COLGALT2: variants seen among roughly 807,000 people sequenced by gnomAD.
COLGALT2 encodes collagen beta(1-O)galactosyltransferase 2, also known as procollagen galactosyltransferase 2.
In COLGALT2, 49 loss-of-function variants were observed where a neutral mutation model predicts 73.4. That is an observed-to-expected ratio of 0.67 (90% confidence interval 0.53 to 0.85). The LOEUF is 0.85. Ranked by LOEUF, COLGALT2 falls within the 40% of genes least tolerant of loss-of-function variation. The pLI is 0.00. For missense variants in COLGALT2, 722 were observed against 790.2 expected, an observed-to-expected ratio of 0.91 and a Z score of 1.03; for synonymous variants, 295 against 307.6, an observed-to-expected ratio of 0.96 and a Z score of 0.43.
rs183697220 is a variant in COLGALT2, at chr1:183,953,658, G to T, written c.1029+1104C>A. Among the ~76,000 whole-genome samples the T allele has an allele frequency of 2.0e-5, 3 of 152,200 alleles. No homozygotes were observed. The East Asian group carries it at 5.8e-4, about 29-fold the overall frequency. On this transcript the variant is annotated intron_variant, in intron 7 of 11. Coordinates refer to ENST00000361927, the MANE Select transcript of COLGALT2 (RefSeq NM_015101.4). The stretch of plus-strand genomic sequence containing the variant: ...CCCTGATCATTTTTAAAAACTATTT[G>T]CAAATGAGTCTTATTCCTCTCTACT...
At chr1:184,007,693 C>A (rs1334833978) in intron 1 of COLGALT2, among the ~76,000 whole-genome samples, 1 of 152,110 alleles carries the variant, frequency 6.6e-6, no homozygotes, top group Non-Finnish European at 1.5e-5. Context: ...GAACCAAGAC[C>A]ACAGTTCCAT....
chr1:184,020,363 A>G (rs931679701), intron 1 of COLGALT2, among the ~76,000 whole-genome samples: 1 of 152,244 alleles, frequency 6.6e-6, no homozygotes, highest in African/African-American at 2.4e-5. Flanking sequence ...ATGAAAAAAT[A>G]CTATATACTG....
rs147454585 is a variant in COLGALT2 at position 183,958,386 on chromosome 1, C to T, written c.953-3548G>A. On this transcript the variant is annotated intron_variant, in intron 6 of 11. Coordinates refer to ENST00000361927, the MANE Select transcript of COLGALT2 (RefSeq NM_015101.4). ...AGAGGACTACTGGGAGAAACATACACAATTGTGTTGACTGAGTCACTTCAA... is the reference window on the plus strand; with the variant it reads ...AGAGGACTACTGGGAGAAACATACATAATTGTGTTGACTGAGTCACTTCAA... Among the ~76,000 whole-genome samples, 24 of 152,272 alleles carry T rather than the reference C, an allele frequency of 1.6e-4. 1 individual carries two copies. In the East Asian group the frequency reaches 4.4e-3, roughly 28 times the overall value.
chr1:183,945,664 C>A (rs1558309946), intron 8 of COLGALT2, 100 bp from the exon 9 acceptor site: 1 of 1,386,892 alleles, frequency 7.2e-7, no homozygotes, highest in Non-Finnish European at 9.9e-7. Context: ...CCCTCCCCCA[C>A]ACAGACAAAG....
Position 183,937,584 on chromosome 1 carries a change from A to C in COLGALT2, c.*1177T>G, listed in dbSNP as rs1669989811. The stretch of plus-strand genomic sequence containing the variant: ...TGAGATAGAGAATCATTTGTTTCCA[A>C]ATAGTTCAAATCCCCCCATCCACAG... On this transcript the variant is annotated 3_prime_UTR_variant, in exon 12 of 12. Coordinates refer to ENST00000361927, the MANE Select transcript of COLGALT2 (RefSeq NM_015101.4). 1.0e-6 allele frequency: 1 copy of C among 985,186 alleles called. No individual in the cohort carries two copies. Among genetic ancestry groups the C allele is most frequent in the Admixed American group, 6.1e-5 (1 of 16,266 alleles). The allele number at this position is 985,186 out of a possible 1,614,324, so 61.0% of individuals were successfully genotyped here. A position where few individuals can be genotyped will look rare whatever the true frequency, so the allele number is the denominator to read the frequency against.
intron 1 of COLGALT2, among the ~76,000 whole-genome samples, chr1:184,000,223 T>C (rs1166829965): frequency 6.6e-6 from 1 of 152,198 alleles, no homozygotes; most frequent in African/African-American, 2.4e-5. Flanking sequence ...TTTTGGCCTC[T>C]ATGTGTCTAT....
Position 183,938,587 on chromosome 1 carries a change from T to G in COLGALT2, c.*174A>C. 7.0e-7 allele frequency: 1 copy of G among 1,425,056 alleles called. No individual in the cohort carries two copies. The highest frequency in any genetic ancestry group is 2.5e-5 in the East Asian group (1 of 39,718). 88.3% of individuals were successfully genotyped at this position (1,425,056 alleles called of 1,614,324 possible). ...GAAATTTGGGTTGAATTTCCTTATT[T>G]CCTTCCATGGTCAAAAATATGTTAA... is the stretch of plus-strand genomic sequence containing the variant. On this transcript the variant is annotated 3_prime_UTR_variant, in exon 12 of 12. Coordinates refer to ENST00000361927, the MANE Select transcript of COLGALT2 (RefSeq NM_015101.4).
Position 184,037,633 on chromosome 1 carries a change from A to T in COLGALT2, c.-276T>A. ...TCGGGCTCGCAGACAGTAGTGGCCG[A>T]GGGGCTGTGTGCCCTGAGTCCTGAG... On this transcript the variant is annotated 5_prime_UTR_variant, in exon 1 of 12. Transcript: ENST00000361927. 1 of 1,052,586 alleles carries T rather than the reference A, an allele frequency of 9.5e-7. No individual in the cohort carries two copies. The highest frequency in any genetic ancestry group is 1.1e-6 in the Non-Finnish European group (1 of 874,446). 65.2% of individuals were successfully genotyped at this position (1,052,586 alleles called of 1,614,324 possible).
intron 1 of COLGALT2, 31 bp from the exon 2 acceptor site, chr1:183,978,551 C>G: frequency 7.6e-7 from 1 of 1,315,872 alleles, no homozygotes; most frequent in Non-Finnish European, 1.1e-6. Context: ...TATAGTTTAA[C>G]TATGTCATCC....
intron 5 of COLGALT2, among the ~76,000 whole-genome samples, chr1:183,966,728 A>G (rs1218570474): frequency 1.3e-5 from 2 of 152,154 alleles, no homozygotes; most frequent in Non-Finnish European, 2.9e-5. Flanking sequence ...ATGATACAGA[A>G]CCCAGATCAC....
chr1:183,940,272 T>C (rs752935439), intron 11 of COLGALT2, among the ~76,000 whole-genome samples: 7 of 152,142 alleles, frequency 4.6e-5, no homozygotes, highest in Non-Finnish European at 8.8e-5. Context: ...GGCCTTCACC[T>C]TGAGGTGTAT....
intron 1 of COLGALT2, among the ~76,000 whole-genome samples, chr1:184,034,623 C>T (rs1219289973): frequency 1.3e-5 from 2 of 152,180 alleles, no homozygotes; most frequent in African/African-American, 2.4e-5. Flanking sequence ...TATGCTTGTA[C>T]AGCCTCTCTG....
intron 1 of COLGALT2, among the ~76,000 whole-genome samples, chr1:184,011,536 A>G (rs186778208): frequency 7.6e-4 from 116 of 151,784 alleles, no homozygotes; most frequent in African/African-American, 2.7e-3. Flanking sequence ...CATCCTCACT[A>G]CTCTGATTTA....
At chr1:183,953,170 G>A (rs556135307) in intron 7 of COLGALT2, among the ~76,000 whole-genome samples, 136 of 152,294 alleles carry the variant, frequency 8.9e-4, no homozygotes, top group Admixed American at 2.0e-3. Context: ...CACACTTAGT[G>A]AACAGTAAAC....
At chr1:183,945,739 AGGTCTG>A (rs1287225528) in intron 8 of COLGALT2, 175 bp from the exon 9 acceptor site, 7 of 669,014 alleles carry the variant, frequency 1.0e-5, no homozygotes, top group Non-Finnish European at 1.5e-5. Context: ...TAGTATTATG[AGGTCTG>A]GGAAGACAAG....
chr1:183,954,175 T>G (rs1385357695), intron 7 of COLGALT2, among the ~76,000 whole-genome samples: 2 of 152,246 alleles, frequency 1.3e-5, no homozygotes, highest in African/African-American at 4.8e-5. Flanking sequence ...ATATTTCTGC[T>G]TCATTCTTTA....
chr1:183,970,581 G>A (rs1388502675), intron 4 of COLGALT2, among the ~76,000 whole-genome samples: 1 of 152,166 alleles, frequency 6.6e-6, no homozygotes, highest in Non-Finnish European at 1.5e-5. Flanking sequence ...CCATGATAAG[G>A]GAGGAGGATC....
chr1:183,966,808 T>C (rs1670888276), intron 5 of COLGALT2, among the ~76,000 whole-genome samples: 1 of 152,308 alleles, frequency 6.6e-6, no homozygotes, highest in South Asian at 2.1e-4. Context: ...TATGACCATA[T>C]GTGCTCTCTT....
At chr1:183,945,746 G>A in intron 8 of COLGALT2, 182 bp from the exon 9 acceptor site, 1 of 650,864 alleles carries the variant, frequency 1.5e-6, no homozygotes, top group East Asian at 2.8e-5. Context: ...ATGAGGTCTG[G>A]GAAGACAAGA....
Sources: gnomAD v4.1 joint callset for allele counts (sites outside exome capture counted in the v4.1 genomes callset) on GRCh38, gnomAD v4.1.1 for gene constraint, MANE v1.5 for transcripts, NCBI Gene and HGNC (gene_info 2026-07-23, HGNC 2026-07-21) for gene names.